Variants in ZMIZ1 observed in about 807,000 individuals in gnomAD.
ZMIZ1 encodes zinc finger MIZ-type containing 1.
Under a neutral mutation model 113.9 loss-of-function variants are expected in ZMIZ1, and 17 were observed. The observed-to-expected ratio is 0.15, with a 90% CI of 0.10 to 0.22. The LOEUF is 0.22. Among genes scored for constraint, ZMIZ1 ranks in the 10% least tolerant of loss-of-function variants. The pLI is 1.00. For missense variants in ZMIZ1, 1,059 were observed against 1,477.8 expected (o/e 0.72, Z 4.65); for synonymous variants, 607 against 603.1 (o/e 1.01, Z -0.09).
intron 24 of ZMIZ1, 43 bp downstream of exon 24, chr10:79,311,227 G>A: frequency 1.3e-6 from 2 of 1,569,478 alleles, no homozygotes; most frequent in South Asian, 2.3e-5. Context: ...GGCTAGGCCT[G>A]GCGCCGGGAC....
intron 1 of ZMIZ1, among the ~76,000 whole-genome samples, chr10:79,114,251 C>A (rs1249886591): frequency 6.6e-6 from 1 of 152,220 alleles, no homozygotes; most frequent in African/African-American, 2.4e-5. Flanking sequence ...AATTTTTTCC[C>A]CCTGTTTAAT....
In ZMIZ1 at chr10:79,300,807, G is replaced by T; in HGVS notation, c.1884G>T (p.Val628=). The T allele has an allele frequency of 6.2e-7, 1 of 1,613,946 alleles. No homozygotes were observed. Among genetic ancestry groups the T allele is most frequent in the Non-Finnish European group, 8.5e-7 (1 of 1,180,010 alleles). ...TGAACACCAACTGGCCCGCCTCGGTGCAGGTCAGCGTGAACGCCACGCCCC... is the reference window on the plus strand; with the variant it reads ...TGAACACCAACTGGCCCGCCTCGGTTCAGGTCAGCGTGAACGCCACGCCCC... ...RQMNTNWPAS[V]QVSVNATPLT... The change falls in exon 17 of 25, where the codon GTG becomes GTT. Residue 628 remains valine, a synonymous_variant. Transcript: ENST00000334512.
intron 2 of ZMIZ1, among the ~76,000 whole-genome samples, chr10:79,125,766 T>C (rs1844484742): frequency 6.6e-6 from 1 of 152,078 alleles, no homozygotes; most frequent in Admixed American, 6.5e-5. Flanking sequence ...GGAGGAGTGG[T>C]CTTTAGAAAT....
intron 7 of ZMIZ1, 93 bp from the exon 8 acceptor site, chr10:79,277,088 G>T: frequency 7.1e-7 from 1 of 1,415,870 alleles, no homozygotes; most frequent in Non-Finnish European, 9.3e-7. Flanking sequence ...AACCAGCATG[G>T]ATAGCACCCA....
chr10:79,227,467 C>T (rs561438381), intron 7 of ZMIZ1, among the ~76,000 whole-genome samples: 1 of 152,198 alleles, frequency 6.6e-6, no homozygotes, highest in Non-Finnish European at 1.5e-5. Context: ...CACCCAGCCC[C>T]CTAATCACCA....
At chr10:79,282,783 T>C (rs1306418309) in intron 8 of ZMIZ1, among the ~76,000 whole-genome samples, 2 of 152,212 alleles carry the variant, frequency 1.3e-5, no homozygotes, top group African/African-American at 4.8e-5. Context: ...ATCCTCAGTT[T>C]GTGGACGTCT....
intron 16 of ZMIZ1, 44 bp from the exon 17 acceptor site, chr10:79,300,688 G>C (rs769135401): frequency 1.5e-5 from 24 of 1,582,338 alleles, no homozygotes; most frequent in Non-Finnish European, 1.7e-6. Flanking sequence ...GCCATGGACA[G>C]CCCCCTGGCA....
At chr10:79,255,154 C>T (rs1850805961) in intron 7 of ZMIZ1, among the ~76,000 whole-genome samples, 1 of 152,216 alleles carries the variant, frequency 6.6e-6, no homozygotes, top group Non-Finnish European at 1.5e-5. Flanking sequence ...CAGCTCCCCT[C>T]ATTCCCCACA....
rs555336424 is a variant in ZMIZ1 at position 79,176,739 on chromosome 10, C to T, written c.-50+14606C>T. Among the ~76,000 whole-genome samples the T allele has an allele frequency of 3.2e-4, 48 of 152,314 alleles. 1 individual carries two copies. In the South Asian group the frequency reaches 5.4e-3, roughly 17 times the overall value. The stretch of plus-strand genomic sequence containing the variant: ...GGAGGTGAGCTGCCATCACTGTCAT[C>T]GTCCCCCTTTGCCCATCAACCCCGT... On this transcript the variant is annotated intron_variant, in intron 4 of 24. Coordinates refer to ENST00000334512, the MANE Select transcript of ZMIZ1 (RefSeq NM_020338.4).
intron 16 of ZMIZ1, among the ~76,000 whole-genome samples, chr10:79,300,289 G>A (rs1160785548): frequency 1.3e-5 from 2 of 152,152 alleles, no homozygotes; most frequent in Non-Finnish European, 2.9e-5. Flanking sequence ...TGCGTCCTTG[G>A]GGGGCCTCCT....
intron 4 of ZMIZ1, among the ~76,000 whole-genome samples, chr10:79,171,652 C>A (rs975954856): frequency 6.6e-6 from 1 of 152,164 alleles, no homozygotes; most frequent in Non-Finnish European, 1.5e-5. Context: ...TGTGATGCAC[C>A]GTGTCCACGG....
intron 6 of ZMIZ1, among the ~76,000 whole-genome samples, chr10:79,215,967 C>G (rs140983926): frequency 2.0e-5 from 3 of 152,278 alleles, no homozygotes; most frequent in African/African-American, 7.2e-5. Flanking sequence ...AAGGACGGGG[C>G]CAGGATCCCA....
intron 7 of ZMIZ1, among the ~76,000 whole-genome samples, chr10:79,248,610 G>A (rs964369993): frequency 3.3e-5 from 5 of 152,190 alleles, no homozygotes; most frequent in South Asian, 2.1e-4. Context: ...GGAAAGCCTC[G>A]TCTTGTTTCA....
At position 79,107,684 on chromosome 10, in the gene ZMIZ1, C is replaced by T. The variant is rs1345774708; in HGVS notation, c.-336-11231C>T. On this transcript the variant is annotated intron_variant, in intron 1 of 24. Transcript: ENST00000334512. ...AAGGCTCCTCCGTTGATGGACGCTA[C>T]TTGGAGCAGGGCTTGCAGGGGGCAG... Among the ~76,000 whole-genome samples the T allele has an allele frequency of 2.0e-5, 3 of 152,232 alleles. No individual in the cohort carries two copies. In the East Asian group the frequency reaches 5.8e-4, roughly 29 times the overall value.
intron 1 of ZMIZ1, among the ~76,000 whole-genome samples, chr10:79,090,487 G>C (rs1255929601): frequency 6.6e-6 from 1 of 152,156 alleles, no homozygotes; most frequent in African/African-American, 2.4e-5. Flanking sequence ...GTGACAGGAA[G>C]CTGGAGGTGG....
intron 8 of ZMIZ1, among the ~76,000 whole-genome samples, chr10:79,280,450 A>G (rs1377276458): frequency 6.6e-6 from 1 of 151,388 alleles, no homozygotes; most frequent in Non-Finnish European, 1.5e-5. Flanking sequence ...ATTTCTTTAT[A>G]GTTTTGTGGA....
In ZMIZ1 at chr10:79,138,289, A is replaced by G. The variant is rs148583011; in HGVS notation, c.-226-1393A>G. On this transcript the variant is annotated intron_variant, in intron 2 of 24. Coordinates refer to ENST00000334512, the MANE Select transcript of ZMIZ1 (RefSeq NM_020338.4). The stretch of plus-strand genomic sequence containing the variant: ...GAGCATAGGTTGTAGGGCTCAGGGG[A>G]ATGTTCTGCGCCTCCAGATCTACCT... Among the ~76,000 whole-genome samples the G allele has an allele frequency of 4.9e-3, 750 of 152,222 alleles. 7 individuals are homozygous for G. Among genetic ancestry groups the G allele is most frequent in the African/African-American group, 0.017 (722 of 41,526 alleles).
chr10:79,311,266 GCTCGAGGCCCCGAAGGGAGGAGGTGGGT>G, intron 24 of ZMIZ1, 82 bp downstream of exon 24: 1 of 1,366,466 alleles, frequency 7.3e-7, no homozygotes, highest in Non-Finnish European at 9.7e-7. Flanking sequence ...GGGTGTGAGG[GCTCGAGGCCCCGAAGGGAGGAGGTGGGT>G]GGGCGGTGGG....
chr10:79,243,679 C>CACG, intron 7 of ZMIZ1: 1 of 306,208 alleles, frequency 3.3e-6, no homozygotes, highest in Non-Finnish European at 6.5e-6. Context: ...CGGCCGCCGC[C>CACG]GGCCGGGCCC....
Sources: gnomAD v4.1 joint callset for allele counts (sites outside exome capture counted in the v4.1 genomes callset) on GRCh38, gnomAD v4.1.1 for gene constraint, MANE v1.5 for transcripts, NCBI Gene and HGNC (gene_info 2026-07-23, HGNC 2026-07-21) for gene names.